Variants in HCN1 observed in about 807,000 individuals in gnomAD.
HCN1 encodes hyperpolarization activated cyclic nucleotide gated potassium channel 1.
In HCN1, 13 loss-of-function variants were observed where a neutral mutation model predicts 78.9. That is an observed-to-expected ratio of 0.16 (90% CI 0.11 to 0.26). The LOEUF is 0.26. Ranked by LOEUF, HCN1 falls within the 10% of genes least tolerant of loss-of-function variation. The pLI is 1.00. For synonymous variants in HCN1, 552 were observed against 455.5 expected, an observed-to-expected ratio of 1.21 and a Z score of -2.70; for missense variants, 810 against 1,154.3, an observed-to-expected ratio of 0.70 and a Z score of 4.32.
chr5:45,309,294 G>A (rs1745800945), intron 5 of HCN1, among the ~76,000 whole-genome samples: 1 of 151,936 alleles, frequency 6.6e-6, no homozygotes, highest in Non-Finnish European at 1.5e-5. Context: ...TCTAGACATG[G>A]GATCCTGTCA....
chr5:45,469,324 T>A (rs1336829137), intron 2 of HCN1, among the ~76,000 whole-genome samples: 2 of 151,932 alleles, frequency 1.3e-5, no homozygotes. Context: ...AAAATCTAAT[T>A]ATGAATGAAT....
intron 3 of HCN1, among the ~76,000 whole-genome samples, chr5:45,425,283 T>C (rs1203189738): frequency 6.6e-6 from 1 of 152,220 alleles, no homozygotes; most frequent in East Asian, 1.9e-4. Flanking sequence ...CACATAATTA[T>C]AATTAACTCC....
intron 6 of HCN1, among the ~76,000 whole-genome samples, chr5:45,284,402 T>C (rs1247278038): frequency 6.6e-6 from 1 of 152,116 alleles, no homozygotes; most frequent in Non-Finnish European, 1.5e-5. Context: ...AATGATTGCA[T>C]TTATATAAAT....
intron 2 of HCN1, among the ~76,000 whole-genome samples, chr5:45,616,266 T>A (rs1471063505): frequency 6.6e-6 from 1 of 151,870 alleles, no homozygotes; most frequent in Non-Finnish European, 1.5e-5. Context: ...TTATAATCTA[T>A]GAGATCACCC....
chr5:45,302,769 G>A (rs1745654113), intron 6 of HCN1, among the ~76,000 whole-genome samples: 1 of 151,900 alleles, frequency 6.6e-6, no homozygotes, highest in South Asian at 2.1e-4. Flanking sequence ...AATCATGGGG[G>A]CTGGTCTTTC....
chr5:45,510,645 T>C (rs1742395780), intron 2 of HCN1, among the ~76,000 whole-genome samples: 1 of 152,068 alleles, frequency 6.6e-6, no homozygotes, highest in Non-Finnish European at 1.5e-5. Flanking sequence ...AGTTTTGGCA[T>C]CCCAGCCCTG....
intron 4 of HCN1, among the ~76,000 whole-genome samples, chr5:45,392,088 A>G (rs2112035899): frequency 6.6e-6 from 1 of 152,238 alleles, no homozygotes; most frequent in African/African-American, 2.4e-5. Context: ...AGAGCATATA[A>G]CCAAGAAAGT....
rs532776902 is a variant in HCN1, at chr5:45,320,304, A to ATTTTT, written c.1378-16470_1378-16466dup. The stretch of plus-strand genomic sequence containing the variant: ...TATTAAAAAGTGCTCCAAATATCCC[A>ATTTTT]TTTTTTCTTTCCAATTCAGTAGCTT... On this transcript the variant is annotated intron_variant, in intron 5 of 7. Coordinates refer to ENST00000303230, the MANE Select transcript of HCN1 (RefSeq NM_021072.4). Among the ~76,000 whole-genome samples, 84 of 151,708 alleles carry ATTTTT rather than the reference A, an allele frequency of 5.5e-4. 2 individuals are homozygous for ATTTTT. In the Admixed American group the frequency reaches 5.5e-3, roughly 10 times the overall value.
At chr5:45,682,223 T>C (rs1580048300) in intron 1 of HCN1, among the ~76,000 whole-genome samples, 1 of 147,408 alleles carries the variant, frequency 6.8e-6, no homozygotes, top group Non-Finnish European at 1.5e-5. Flanking sequence ...TATTTTCTTA[T>C]AGCAGCTCAA....
chr5:45,372,126 A>C (rs1486193490), intron 4 of HCN1, among the ~76,000 whole-genome samples: 1 of 54,608 alleles, frequency 1.8e-5, no homozygotes, highest in Non-Finnish European at 2.7e-5. Context: ...TATATATTAT[A>C]TATATAATAT....
chr5:45,287,220 T>A (rs1206700831), intron 6 of HCN1, among the ~76,000 whole-genome samples: 1 of 151,924 alleles, frequency 6.6e-6, no homozygotes, highest in Non-Finnish European at 1.5e-5. Flanking sequence ...TACCTGTTAC[T>A]GTAGGAAGAG....
chr5:45,399,401 T>G (rs2112043328), intron 3 of HCN1, among the ~76,000 whole-genome samples: 1 of 152,294 alleles, frequency 6.6e-6, no homozygotes, highest in Middle Eastern at 3.4e-3. Context: ...TTACAAAACA[T>G]AAGTTCAAAG....
At chr5:45,657,497 C>A (rs1745797512) in intron 1 of HCN1, among the ~76,000 whole-genome samples, 1 of 152,034 alleles carries the variant, frequency 6.6e-6, no homozygotes, top group African/African-American at 2.4e-5. Flanking sequence ...TTTATGTAGG[C>A]CAGTAACTTA....
At chr5:45,681,218 G>C (rs560800187) in intron 1 of HCN1, among the ~76,000 whole-genome samples, 1 of 152,018 alleles carries the variant, frequency 6.6e-6, no homozygotes, top group Non-Finnish European at 1.5e-5. Context: ...AACACATAGC[G>C]CAAAATCAGG....
rs1366483430 is a variant in HCN1, at chr5:45,660,868, C to T, written c.426-15260G>A. On this transcript the variant is annotated intron_variant, in intron 1 of 7. Transcript: ENST00000303230. The stretch of plus-strand genomic sequence containing the variant: ...ACATTAATAATGGGAGACTTTAACA[C>T]CCCACTGTCAACATTAGACAGATCA... Among the ~76,000 whole-genome samples the T allele has an allele frequency of 2.5e-5, 3 of 119,818 alleles. No individual in the cohort carries two copies. The East Asian group carries it at 7.3e-4, about 29-fold the overall frequency. 78.6% of individuals were successfully genotyped at this position (119,818 alleles called of 152,430 possible). A position where few individuals can be genotyped will look rare whatever the true frequency, so the allele number is the denominator to read the frequency against.
chr5:45,507,950 G>A (rs80156986), intron 2 of HCN1, among the ~76,000 whole-genome samples: 12,681 of 151,966 alleles, frequency 0.083, 708 homozygotes, highest in Middle Eastern at 0.14. Flanking sequence ...TATGTGTGCA[G>A]GAAAATACAT....
chr5:45,475,213 T>C (rs1445080143), intron 2 of HCN1, among the ~76,000 whole-genome samples: 1 of 152,062 alleles, frequency 6.6e-6, no homozygotes, highest in African/African-American at 2.4e-5. Context: ...ATGGTTATTG[T>C]CACATGTTCT....
At chr5:45,620,662 A>C (rs915038070) in intron 2 of HCN1, among the ~76,000 whole-genome samples, 4 of 151,288 alleles carry the variant, frequency 2.6e-5, no homozygotes, top group Non-Finnish European at 5.9e-5. Context: ...AATACAAAAA[A>C]TGACCAAGCA....
At chr5:45,547,102 T>C (rs1024515363) in intron 2 of HCN1, among the ~76,000 whole-genome samples, 2 of 151,986 alleles carry the variant, frequency 1.3e-5, no homozygotes, top group African/African-American at 4.8e-5. Flanking sequence ...AATATTCTTA[T>C]GACAAAATCT....
Sources: gnomAD v4.1 joint callset for allele counts (sites outside exome capture counted in the v4.1 genomes callset) on GRCh38, gnomAD v4.1.1 for gene constraint, MANE v1.5 for transcripts, NCBI Gene and HGNC (gene_info 2026-07-23, HGNC 2026-07-21) for gene names.